Variants in CFTR observed in about 807,000 individuals in gnomAD.
CFTR encodes CF transmembrane conductance regulator, also known as cystic fibrosis transmembrane conductance regulator.
A neutral mutation model predicts 171.6 loss-of-function variants in CFTR; 181 were observed. The observed-to-expected ratio is 1.05, with a 90% CI of 0.93 to 1.19. The LOEUF is 1.19. Among genes scored for constraint, CFTR ranks in the 50% most tolerant of loss-of-function variants. CFTR has a pLI of 0.00. For synonymous variants in CFTR, 583 were observed against 608.0 expected (o/e 0.96, Z 0.60); for missense variants, 1,968 against 1,734.7 (o/e 1.13, Z -2.39).
chr7:117,541,073 T>G (rs894872512), intron 8 of CFTR, among the ~76,000 whole-genome samples: 3 of 152,180 alleles, frequency 2.0e-5, no homozygotes, highest in African/African-American at 7.2e-5. Flanking sequence ...CCCTCTCCTG[T>G]TCATCATGCT....
At chr7:117,641,299 T>C (rs1386573537) in intron 22 of CFTR, among the ~76,000 whole-genome samples, 2 of 152,236 alleles carry the variant, frequency 1.3e-5, no homozygotes, top group East Asian at 3.8e-4. Context: ...TCACTGGTTC[T>C]GGTTTACAAA....
At chr7:117,666,596 T>A (rs1245441422) in intron 26 of CFTR, among the ~76,000 whole-genome samples, 1 of 152,198 alleles carries the variant, frequency 6.6e-6, no homozygotes, top group African/African-American at 2.4e-5. Context: ...GCTGTAGACT[T>A]ACGCTCATTT....
chr7:117,518,696 G>C (rs1392323389), intron 3 of CFTR, among the ~76,000 whole-genome samples: 1 of 151,398 alleles, frequency 6.6e-6, no homozygotes, highest in African/African-American at 2.4e-5. Flanking sequence ...CTCCCGAAGT[G>C]CTGGGATTTC....
chr7:117,587,709 G>A, intron 11 of CFTR, 30 bp from the exon 12 acceptor site: 1 of 1,260,274 alleles, frequency 7.9e-7, no homozygotes, highest in Non-Finnish European at 1.2e-6. Flanking sequence ...TACTAAAAGT[G>A]ACTCTCTAAT....
chr7:117,645,024 A>C (rs1049096145), intron 23 of CFTR, among the ~76,000 whole-genome samples: 1 of 152,200 alleles, frequency 6.6e-6, no homozygotes, highest in Non-Finnish European at 1.5e-5. Context: ...GTGACAAACT[A>C]TTCTGAGGAA....
chr7:117,548,635 T>A lies in CFTR; in HGVS notation c.1210-6T>A, dbSNP rs763339686. 2.9e-5 allele frequency: 46 copies of A among 1,611,650 alleles called. No individual in the cohort carries two copies. In the South Asian group the frequency reaches 4.7e-4, roughly 17 times the overall value. ...GTGTGTGTGTGTGTGTGTGTTTTTT[T>A]AACAGGGATTTGGGGAATTATTTGA... On this transcript the variant is annotated splice_polypyrimidine_tract_variant and splice_region_variant and intron_variant, in intron 9 of 26. Transcript: ENST00000003084.
chr7:117,538,793 G>A (rs1158499922), intron 7 of CFTR, among the ~76,000 whole-genome samples: 1 of 152,136 alleles, frequency 6.6e-6, no homozygotes, highest in African/African-American at 2.4e-5. Flanking sequence ...AGCCAGGTGG[G>A]ATGCCAAAAT....
At position 117,548,685 on chromosome 7, in the gene CFTR, T is replaced by C. The variant is rs62469440; in HGVS notation, c.1254T>C (p.Asn418=). ...LFEKAKQNNN[N]RKTSNGDDSL... ...AGAAAGCAAAACAAAACAATAACAA[T>C]AGAAAAACTTCTAATGGTGATGACA... The change falls in exon 10 of 27, where the codon AAT becomes AAC. Residue 418 remains asparagine, a synonymous_variant. Coordinates refer to ENST00000003084, the MANE Select transcript of CFTR (RefSeq NM_000492.4). The C allele has an allele frequency of 6.2e-7, 1 of 1,613,410 alleles. No homozygotes were observed. Among genetic ancestry groups the C allele is most frequent in the Non-Finnish European group, 8.5e-7 (1 of 1,179,626 alleles).
intron 23 of CFTR, among the ~76,000 whole-genome samples, chr7:117,645,612 C>A (rs1792986022): frequency 6.6e-6 from 1 of 151,894 alleles, no homozygotes; most frequent in East Asian, 1.9e-4. Flanking sequence ...TCCCTTGCAT[C>A]CCTCCATTAT....
intron 21 of CFTR, among the ~76,000 whole-genome samples, chr7:117,620,985 C>T (rs1159685116): frequency 6.6e-6 from 1 of 152,128 alleles, no homozygotes; most frequent in Non-Finnish European, 1.5e-5. Flanking sequence ...CACATGCCTC[C>T]CAGCTACTGG....
At chr7:117,623,721 A>T (rs1298572947) in intron 21 of CFTR, among the ~76,000 whole-genome samples, 1 of 152,178 alleles carries the variant, frequency 6.6e-6, no homozygotes, top group African/African-American at 2.4e-5. Context: ...CTGCACAGAC[A>T]CTGCTTTCTG....
chr7:117,608,969 T>C (rs1792341728), intron 18 of CFTR, among the ~76,000 whole-genome samples: 1 of 152,196 alleles, frequency 6.6e-6, no homozygotes, highest in Non-Finnish European at 1.5e-5. Context: ...ATGTGTAAAA[T>C]ACAATATTGT....
At chr7:117,525,220 T>A (rs1305313562) in intron 3 of CFTR, among the ~76,000 whole-genome samples, 1 of 152,200 alleles carries the variant, frequency 6.6e-6, no homozygotes, top group Non-Finnish European at 1.5e-5. Flanking sequence ...TGGAAACTTT[T>A]TAAAAGTTTG....
chr7:117,645,889 A>G (rs1792989451), intron 23 of CFTR, among the ~76,000 whole-genome samples: 2 of 152,076 alleles, frequency 1.3e-5, no homozygotes, highest in South Asian at 4.1e-4. Flanking sequence ...AGCAGGCTAG[A>G]TAAAGAATGT....
At chr7:117,666,411 A>G (rs573956532) in intron 26 of CFTR, among the ~76,000 whole-genome samples, 3 of 152,184 alleles carry the variant, frequency 2.0e-5, no homozygotes, top group African/African-American at 7.2e-5. Flanking sequence ...CAGACTCACA[A>G]CCTCTTGCCC....
chr7:117,590,095 C>A (rs1792002622), intron 12 of CFTR, among the ~76,000 whole-genome samples: 3 of 152,056 alleles, frequency 2.0e-5, no homozygotes, highest in Admixed American at 6.6e-5. Flanking sequence ...ATCACTTCAG[C>A]AGTTCTTGGA....
At chr7:117,500,540 T>TG (rs1798307755) in intron 1 of CFTR, among the ~76,000 whole-genome samples, 1 of 152,068 alleles carries the variant, frequency 6.6e-6, no homozygotes, top group African/African-American at 2.4e-5. Flanking sequence ...TCCACCCACC[T>TG]CGGCCTCCCA....
intron 1 of CFTR, among the ~76,000 whole-genome samples, chr7:117,494,666 C>T (rs35113266): frequency 0.015 from 2,235 of 151,968 alleles, 56 homozygotes; most frequent in African/African-American, 0.051. Context: ...TCTGAACAAG[C>T]TAGGTGAACA....
At chr7:117,533,043 AC>A in intron 4 of CFTR, among the ~76,000 whole-genome samples, 1 of 152,348 alleles carries the variant, frequency 6.6e-6, no homozygotes, top group Non-Finnish European at 1.5e-5. Flanking sequence ...GAATTTAAAT[AC>A]AAACAAACTT....
Sources: gnomAD v4.1 joint callset for allele counts (sites outside exome capture counted in the v4.1 genomes callset) on GRCh38, gnomAD v4.1.1 for gene constraint, MANE v1.5 for transcripts, NCBI Gene and HGNC (gene_info 2026-07-23, HGNC 2026-07-21) for gene names.